Variants in TAOK3 observed in about 807,000 individuals in gnomAD.
TAOK3 encodes TAO kinase 3, also known as serine/threonine-protein kinase TAO3.
In TAOK3, 40 loss-of-function variants were observed where a neutral mutation model predicts 120.4. That is an observed-to-expected ratio of 0.33 (90% CI 0.26 to 0.43). The LOEUF is 0.43. Among genes scored for constraint, TAOK3 ranks in the 20% least tolerant of loss-of-function variants. The probability of loss-of-function intolerance (pLI) is 1.00; values close to 1 mark genes in which losing one functional copy is unlikely to be tolerated. For missense variants in TAOK3, 821 were observed against 1,112.1 expected (o/e 0.74, Z 3.72); for synonymous variants, 355 against 387.5 (o/e 0.92, Z 0.99).
rs747859562 is a variant in TAOK3, at chr12:118,189,820, T to C, written c.1316A>G (p.Lys439Arg). ...GTGTTTGCTTACCAAAGATGCTGATTTGATCGTGGCAAAGCGCTCTCTGTT... is the reference window on the plus strand; with the variant it reads ...GTGTTTGCTTACCAAAGATGCTGATCTGATCGTGGCAAAGCGCTCTCTGTT... The part of the protein sequence containing the change: ...YRNRERFATI[K>R]SASLVTRQIH... Residue 439 changes from lysine (K) to arginine (R), a missense_variant, in exon 14 of 21, where the codon AAA becomes AGA. Lys to Arg is a conservative substitution (Grantham distance 26, BLOSUM62 2). Around this residue, in one of 2 missense-constraint regions of TAOK3, gnomAD observed 354 missense variants for 572.1 expected, o/e 0.62. Coordinates refer to ENST00000392533, the MANE Select transcript of TAOK3 (RefSeq NM_016281.4). 1 of 1,614,182 alleles carries C rather than the reference T, an allele frequency of 6.2e-7. No individual in the cohort carries two copies. The highest frequency in any genetic ancestry group is 8.5e-7 in the Non-Finnish European group (1 of 1,180,020).
At chr12:118,201,630 A>G (rs369486501) in intron 11 of TAOK3, among the ~76,000 whole-genome samples, 167 bp from the exon 12 acceptor site, 1 of 152,342 alleles carries the variant, frequency 6.6e-6, no homozygotes, top group East Asian at 1.9e-4. Flanking sequence ...TGTAAATCTC[A>G]TAAAGAGATA....
chr12:118,344,931 T>C (rs2044790574), intron 1 of TAOK3, among the ~76,000 whole-genome samples: 1 of 152,184 alleles, frequency 6.6e-6, no homozygotes, highest in Non-Finnish European at 1.5e-5. Context: ...CTCTTGTTAA[T>C]ACCCATGCCC....
chr12:118,256,308 T>C (rs1269842445), intron 2 of TAOK3, among the ~76,000 whole-genome samples: 1 of 152,194 alleles, frequency 6.6e-6, no homozygotes, highest in Admixed American at 6.5e-5. Context: ...CCTCCAACAC[T>C]GCTGGTAGCT....
chr12:118,266,125 C>T (rs1210023932), intron 2 of TAOK3, among the ~76,000 whole-genome samples: 1 of 151,956 alleles, frequency 6.6e-6, no homozygotes, highest in East Asian at 1.9e-4. Context: ...AAATAATTCT[C>T]TATATTGTAA....
chr12:118,170,516 C>A (rs1219005786), intron 17 of TAOK3, among the ~76,000 whole-genome samples: 7 of 152,204 alleles, frequency 4.6e-5, no homozygotes, highest in African/African-American at 1.7e-4. Flanking sequence ...AATCTCCACA[C>A]TTTGGGAGGC....
intron 20 of TAOK3, 129 bp from the exon 21 acceptor site, chr12:118,151,287 G>GCA (rs767980079): frequency 9.2e-4 from 438 of 477,012 alleles, no homozygotes; most frequent in African/African-American, 1.7e-3. Context: ...GTGCGCGCGC[G>GCA]CGCACACACA....
intron 5 of TAOK3, among the ~76,000 whole-genome samples, chr12:118,240,666 T>A (rs1194250581): frequency 6.6e-6 from 1 of 152,050 alleles, no homozygotes; most frequent in Non-Finnish European, 1.5e-5. Flanking sequence ...GATTTTTAGG[T>A]GCCCAAGACT....
In TAOK3 at chr12:118,207,333, A is replaced by G. The variant is rs571153574; in HGVS notation, c.819+5581T>C. Reference sequence around the variant, plus strand: ...AAGAGCGAAACTCCGTCTCAGGAAAAAAAAAAAAAAAAGAAAGAAAATCAC... The same window carrying G: ...AAGAGCGAAACTCCGTCTCAGGAAAGAAAAAAAAAAAAGAAAGAAAATCAC... On this transcript the variant is annotated intron_variant, in intron 11 of 20. Coordinates refer to ENST00000392533, the MANE Select transcript of TAOK3 (RefSeq NM_016281.4). Among the ~76,000 whole-genome samples the G allele has an allele frequency of 8.7e-3, 1,313 of 151,620 alleles. 32 individuals carry two copies. The highest frequency in any genetic ancestry group is 0.083 in the South Asian group (399 of 4,818).
At chr12:118,182,250 C>T (rs2138904269) in intron 14 of TAOK3, among the ~76,000 whole-genome samples, 1 of 151,968 alleles carries the variant, frequency 6.6e-6, no homozygotes, top group East Asian at 1.9e-4. Context: ...TTTTGATATA[C>T]CATCACATAT....
intron 3 of TAOK3, chr12:118,246,107 G>A (rs955185909): frequency 3.7e-5 from 48 of 1,307,482 alleles, no homozygotes; most frequent in Non-Finnish European, 4.8e-5. Context: ...CCGGTGCAGC[G>A]GGGGGGCACG....
chr12:118,333,419 C>T (rs761800397), intron 1 of TAOK3, among the ~76,000 whole-genome samples: 6 of 152,018 alleles, frequency 3.9e-5, no homozygotes, highest in Non-Finnish European at 7.4e-5. Context: ...GAAATAAGAA[C>T]GATGCATAGA....
intron 11 of TAOK3, among the ~76,000 whole-genome samples, chr12:118,205,649 C>T (rs1012750345): frequency 6.6e-6 from 1 of 152,120 alleles, no homozygotes; most frequent in Non-Finnish European, 1.5e-5. Context: ...CTTACTCTAT[C>T]ACCCAGGCTA....
At chr12:118,229,187 G>A (rs1362935252) in intron 9 of TAOK3, among the ~76,000 whole-genome samples, 5 of 151,136 alleles carry the variant, frequency 3.3e-5, no homozygotes, top group South Asian at 2.1e-4. Context: ...TGCAACCTCC[G>A]CCTCCCAGGT....
chr12:118,219,770 C>CTTTTTTTTTT (rs35568926), intron 9 of TAOK3, among the ~76,000 whole-genome samples: 2 of 58,838 alleles, frequency 3.4e-5, no homozygotes, highest in African/African-American at 7.0e-5. Flanking sequence ...ACTTTTTTGG[C>CTTTTTTTTTT]TTTTTTTTTT....
At chr12:118,164,398 G>A (rs1032297752) in intron 17 of TAOK3, among the ~76,000 whole-genome samples, 1 of 151,962 alleles carries the variant, frequency 6.6e-6, no homozygotes, top group African/African-American at 2.4e-5. Flanking sequence ...GAAAGCTTTT[G>A]AGCTGTACTT....
chr12:118,190,645 G>A (rs997868377), intron 13 of TAOK3: 1 of 152,106 alleles, frequency 6.6e-6, no homozygotes, highest in Non-Finnish European at 1.5e-5. Flanking sequence ...ACTCAGCATC[G>A]GTATGGTCAC....
rs2042839947 is a variant in TAOK3, at chr12:118,300,541, C to T, written c.-193-33782G>A. On this transcript the variant is annotated intron_variant, in intron 1 of 20. Transcript: ENST00000392533. ...ACCCTAAGTGAAAATGAACTCAGGG[C>T]AAGTTTTCTAAATAATCTCACTATA... Among the ~76,000 whole-genome samples, 4 of 152,172 alleles carry T rather than the reference C, an allele frequency of 2.6e-5. No individual in the cohort carries two copies. In the Middle Eastern group the frequency reaches 0.01, roughly 388 times the overall value.
At chr12:118,189,482 C>T (rs902084137) in intron 14 of TAOK3, among the ~76,000 whole-genome samples, 11 of 150,258 alleles carry the variant, frequency 7.3e-5, no homozygotes, top group African/African-American at 2.7e-4. Context: ...GCAACTTCAT[C>T]TCAAAGGCCT....
chr12:118,206,250 C>T (rs1324044717), intron 11 of TAOK3, among the ~76,000 whole-genome samples: 1 of 152,172 alleles, frequency 6.6e-6, no homozygotes, highest in Non-Finnish European at 1.5e-5. Flanking sequence ...GGGTCGATGA[C>T]GACATTGTTG....
Sources: gnomAD v4.1 joint callset for allele counts (sites outside exome capture counted in the v4.1 genomes callset) on GRCh38, gnomAD v4.1.1 for gene constraint, gnomAD v4.1.1 regional missense constraint, MANE v1.5 for transcripts, NCBI Gene and HGNC (gene_info 2026-07-23, HGNC 2026-07-21) for gene names.